The following SPPL2B variants were observed in gnomAD, a reference collection of about 807,000 sequenced individuals.
SPPL2B encodes signal peptide peptidase like 2B.
Under a neutral mutation model 59.7 loss-of-function variants are expected in SPPL2B, and 39 were observed. That is an observed-to-expected ratio of 0.65 (90% CI 0.51 to 0.85). SPPL2B has a LOEUF of 0.85. Among genes scored for constraint, SPPL2B ranks in the 40% least tolerant of loss-of-function variants. The pLI is 0.00. For missense variants in SPPL2B, 865 were observed against 849.0 expected (o/e 1.02, Z -0.23); for synonymous variants, 419 against 370.8 (o/e 1.13, Z -1.49).
At chr19:2,352,195 C>T (rs373565708) in intron 14 of SPPL2B, among the ~76,000 whole-genome samples, 3 of 152,166 alleles carry the variant, frequency 2.0e-5, no homozygotes, top group African/African-American at 7.2e-5. Context: ...CCCCCCCTTC[C>T]AGTGTGCCGC....
intron 13 of SPPL2B, among the ~76,000 whole-genome samples, chr19:2,350,318 T>TTC (rs56364025): frequency 0.68 from 89,519 of 131,090 alleles, 31,500 homozygotes; most frequent in Non-Finnish European, 0.75. Flanking sequence ...CTTGACTCCG[T>TTC]TCTCTCTCCA....
chr19:2,343,015 C>T (rs1400118536), intron 8 of SPPL2B, 196 bp from the exon 9 acceptor site: 7 of 591,592 alleles, frequency 1.2e-5, no homozygotes, highest in East Asian at 1.1e-4. Context: ...GGGCCTGTGC[C>T]GCCAGCCCTG....
intron 3 of SPPL2B, 117 bp downstream of exon 3, chr19:2,337,742 T>A: frequency 1.9e-6 from 2 of 1,066,524 alleles, no homozygotes; most frequent in Non-Finnish European, 2.6e-6. Context: ...GGCAGATCCA[T>A]CTGTGGGGAG....
chr19:2,339,040 G>C (rs1804767647), intron 4 of SPPL2B, 29 bp from the exon 5 acceptor site: 1 of 1,536,470 alleles, frequency 6.5e-7, no homozygotes, highest in Admixed American at 2.0e-5. Context: ...TGGCTCTGAC[G>C]CCTGCCTCCG....
intron 7 of SPPL2B, chr19:2,340,397 G>A: frequency 1.6e-6 from 1 of 618,484 alleles, no homozygotes. Flanking sequence ...GGGGGAGGGT[G>A]CCCTTGTCCC....
At chr19:2,347,252 T>TTCTC (rs376026815) in intron 13 of SPPL2B, among the ~76,000 whole-genome samples, 1 of 112,836 alleles carries the variant, frequency 8.9e-6, no homozygotes, top group African/African-American at 3.5e-5. Flanking sequence ...CTTGATGCCG[T>TTCTC]TCTCTCTCCA....
chr19:2,343,341 C>A (rs946053435), intron 9 of SPPL2B, 49 bp downstream of exon 9: 2 of 1,453,218 alleles, frequency 1.4e-6, no homozygotes, highest in Non-Finnish European at 1.9e-6. Context: ...TAGTGGGGGC[C>A]CTTCATCCTA....
chr19:2,334,452 C>A (rs1201313683), intron 1 of SPPL2B, 150 bp from the exon 2 acceptor site: 2 of 1,047,520 alleles, frequency 1.9e-6, no homozygotes, highest in South Asian at 1.6e-5. Flanking sequence ...CCCTGTCTGT[C>A]CTGTCGAGAG....
chr19:2,338,980 C>A, intron 4 of SPPL2B, 89 bp from the exon 5 acceptor site: 2 of 1,500,918 alleles, frequency 1.3e-6, no homozygotes, highest in Non-Finnish European at 1.8e-6. Context: ...CCAGGGTCTC[C>A]AGCCCCAGCC....
chr19:2,345,952 C>A (rs1022192308), intron 13 of SPPL2B, among the ~76,000 whole-genome samples: 9 of 152,182 alleles, frequency 5.9e-5, no homozygotes, highest in Admixed American at 2.6e-4. Context: ...CCTCCGTCCC[C>A]GTCTTTCTCA....
chr19:2,338,665 C>G, intron 3 of SPPL2B, 87 bp from the exon 4 acceptor site: 1 of 897,092 alleles, frequency 1.1e-6, no homozygotes, highest in Admixed American at 2.2e-5. Context: ...GAGTGAGGGT[C>G]CCAGGAGAGG....
In SPPL2B at chr19:2,351,844, C is replaced by T. The variant is rs574724482; in HGVS notation, c.1515+250C>T. ...GGTGCCGGGTGGGACGCGGGGGTGCCGGGTGGGGCCCAGGGGTGCCGGGTG... is the reference window on the plus strand; with the variant it reads ...GGTGCCGGGTGGGACGCGGGGGTGCTGGGTGGGGCCCAGGGGTGCCGGGTG... On this transcript the variant is annotated intron_variant, in intron 14 of 14. Transcript: ENST00000613503. Among the ~76,000 whole-genome samples the T allele has an allele frequency of 8.5e-3, 1,140 of 133,886 alleles. 6 individuals are homozygous for T. The highest frequency in any genetic ancestry group is 0.014 in the Non-Finnish European group (831 of 61,424). 87.8% of individuals were successfully genotyped at this position (133,886 alleles called of 152,430 possible).
rs776770671 is a variant in SPPL2B, at chr19:2,339,929, C to T, written c.705C>T (p.Ser235=). ...GCGTGTTTGTGGTGATGTGCTGCTC[C>T]ATGCTGGTGCTGCTCTACTATTTCT... The part of the protein sequence containing the change: ...MTCVFVVMCC[S]MLVLLYYFYD... Residue 235 remains serine, a synonymous_variant, in exon 6 of 15, where the codon TCC becomes TCT. Transcript: ENST00000613503. The T allele has an allele frequency of 1.3e-6, 2 of 1,563,494 alleles. No homozygotes were observed. Among genetic ancestry groups the T allele is most frequent in the African/African-American group, 1.4e-5 (1 of 73,736 alleles).
chr19:2,345,968 C>T (rs771927304), intron 13 of SPPL2B, among the ~76,000 whole-genome samples: 1 of 152,150 alleles, frequency 6.6e-6, no homozygotes, highest in Non-Finnish European at 1.5e-5. Context: ...TCTCATTTTC[C>T]CTGGCTTCCA....
At chr19:2,339,536 C>T (rs959928344) in intron 5 of SPPL2B, 9 of 584,430 alleles carry the variant, frequency 1.5e-5, no homozygotes, top group Non-Finnish European at 2.4e-5. Context: ...GGCCCCATGT[C>T]CAGGGCTCTT....
intron 14 of SPPL2B, 93 bp from the exon 15 acceptor site, chr19:2,352,853 C>T (rs1970000337): frequency 6.3e-6 from 9 of 1,419,340 alleles, no homozygotes; most frequent in South Asian, 2.5e-5. Context: ...GACCCTGCCC[C>T]CGTGGCCTGC....
chr19:2,348,537 C>T (rs1402615765), intron 13 of SPPL2B, among the ~76,000 whole-genome samples: 1 of 151,978 alleles, frequency 6.6e-6, no homozygotes, highest in Non-Finnish European at 1.5e-5. Flanking sequence ...CCTCCACACA[C>T]ACTCACGTTC....
chr19:2,347,299 CTCCT>C (rs1332904889), intron 13 of SPPL2B, among the ~76,000 whole-genome samples: 8 of 112,578 alleles, frequency 7.1e-5, no homozygotes, highest in East Asian at 2.9e-4. Flanking sequence ...TGATTCCGTT[CTCCT>C]TCTCTCCACA....
rs993004471 is a variant in SPPL2B, at chr19:2,339,305, C to T, written c.599+97C>T. 22 of 1,404,044 alleles carry T rather than the reference C, an allele frequency of 1.6e-5. No homozygotes were observed. In the African/African-American group the frequency reaches 2.7e-4, roughly 17 times the overall value. 87.0% of individuals were successfully genotyped at this position (1,404,044 alleles called of 1,614,324 possible). On this transcript the variant is annotated intron_variant, in intron 5 of 14. Transcript: ENST00000613503. ...CCAGAACAGCAGTGAGTGCTTTGGCCTCGGCAGGCACGGCTCGCCCCGTGG... is the reference window on the plus strand; with the variant it reads ...CCAGAACAGCAGTGAGTGCTTTGGCTTCGGCAGGCACGGCTCGCCCCGTGG...
Sources: gnomAD v4.1 joint callset for allele counts (sites outside exome capture counted in the v4.1 genomes callset) on GRCh38, gnomAD v4.1.1 for gene constraint, MANE v1.5 for transcripts, NCBI Gene and HGNC (gene_info 2026-07-23, HGNC 2026-07-21) for gene names.